The following PLCG2 variants were observed in gnomAD, a reference collection of about 807,000 sequenced individuals.
PLCG2 encodes the protein 1-phosphatidylinositol 4,5-bisphosphate phosphodiesterase gamma-2.
In PLCG2, 69 loss-of-function variants were observed where a neutral mutation model predicts 175.6. The ratio of observed to expected loss-of-function variants is 0.39; its 90% CI spans 0.32 to 0.48. The LOEUF is 0.48. Among genes scored for constraint, PLCG2 ranks in the 20% least tolerant of loss-of-function variants. The pLI, the probability that PLCG2 is intolerant of heterozygous loss-of-function variation, is 0.91. For missense variants in PLCG2, 1,798 were observed against 1,650.9 expected (o/e 1.09, Z -1.54); for synonymous variants, 827 against 624.0 (o/e 1.33, Z -4.85).
chr16:81,918,707 C>G (rs1455426213), intron 19 of PLCG2, among the ~76,000 whole-genome samples: 1 of 152,102 alleles, frequency 6.6e-6, no homozygotes, highest in Admixed American at 6.5e-5. Flanking sequence ...GTTATTTTTG[C>G]TCAAAATTGC....
At chr16:81,908,865 C>A (rs1909495231) in intron 17 of PLCG2, among the ~76,000 whole-genome samples, 1 of 152,162 alleles carries the variant, frequency 6.6e-6, no homozygotes, top group Admixed American at 6.5e-5. Flanking sequence ...ACATTTTAAA[C>A]AAAGACAAGA....
rs71146049 is a variant in PLCG2 at position 81,824,046 on chromosome 16, TTCCTGTCCTGTCCTGTCCTGTCCTG to T, written c.194-30373_194-30349del. Among the ~76,000 whole-genome samples, 675 of 108,704 alleles carry T rather than the reference TTCCTGTCCTGTCCTGTCCTGTCCTG, an allele frequency of 6.2e-3. 9 individuals are homozygous for T. Among genetic ancestry groups the T allele is most frequent in the Non-Finnish European group, 8.2e-3 (480 of 58,366 alleles). The allele number at this position is 108,704 out of a possible 152,430, so 71.3% of individuals were successfully genotyped here. On this transcript the variant is annotated intron_variant, in intron 2 of 32. Coordinates refer to ENST00000564138, the MANE Select transcript of PLCG2 (RefSeq NM_002661.5). Reference sequence around the variant, plus strand: ...TTCCTTTCCTTTCCTTTCCTTTCCTTTCCTGTCCTGTCCTGTCCTGTCCTGTCCTGTCCTGTCCTGTCCTGTCCTT... The same window carrying T: ...TTCCTTTCCTTTCCTTTCCTTTCCTTTCCTGTCCTGTCCTGTCCTGTCCTT...
At chr16:81,760,759 A>AAATAAT (rs1491159948) in intron 2 of PLCG2, among the ~76,000 whole-genome samples, 2 of 135,472 alleles carry the variant, frequency 1.5e-5, no homozygotes, top group African/African-American at 5.5e-5. Context: ...AAAAAAAAAA[A>AAATAAT]TAATAATAAT....
chr16:81,802,052 A>G (rs1911744560), intron 2 of PLCG2, among the ~76,000 whole-genome samples: 1 of 143,794 alleles, frequency 7.0e-6, no homozygotes, highest in Admixed American at 7.0e-5. Context: ...TTCTGTCTGG[A>G]ATGAAAAAAC....
At chr16:81,937,680 C>T in intron 27 of PLCG2, 78 bp from the exon 28 acceptor site, 1 of 1,268,222 alleles carries the variant, frequency 7.9e-7, no homozygotes, top group Non-Finnish European at 1.1e-6. Flanking sequence ...GAAATTCATT[C>T]CCCACCTAGA....
intron 30 of PLCG2, among the ~76,000 whole-genome samples, chr16:81,944,870 T>TGTAGA (rs1911089916): frequency 6.6e-6 from 1 of 152,176 alleles, no homozygotes; most frequent in African/African-American, 2.4e-5. Context: ...AAGGGCCAAC[T>TGTAGA]GTAGAGTAAA....
At chr16:81,912,511 G>T (rs1281665389) in intron 18 of PLCG2, 86 bp from the exon 19 acceptor site, 23 of 1,509,432 alleles carry the variant, frequency 1.5e-5, no homozygotes, top group Non-Finnish European at 1.9e-5. Context: ...AGGTGTCACT[G>T]GTGCCATTAT....
intron 17 of PLCG2, 40 bp downstream of exon 17, chr16:81,908,631 A>C: frequency 1.3e-6 from 2 of 1,539,840 alleles, no homozygotes; most frequent in Non-Finnish European, 1.8e-6. Context: ...CTTCTTCTCC[A>C]TGCCAACCGA....
In PLCG2 at chr16:81,962,611, G is replaced by C. The variant is rs1911817348; in HGVS notation, c.*4613G>C. 4.5e-6 allele frequency: 1 copy of C among 223,290 alleles called. No homozygotes were observed. Among genetic ancestry groups the C allele is most frequent in the Admixed American group, 5.7e-5 (1 of 17,466 alleles). The allele number at this position is 223,290 out of a possible 1,614,324, so 13.8% of individuals were successfully genotyped here. On this transcript the variant is annotated 3_prime_UTR_variant, in exon 33 of 33. Transcript: ENST00000564138. Reference sequence around the variant, plus strand: ...GAGAATTAAGTGAATGAGTCACACAGATGTTGGCTGTTGTTAATGTGAAAA... The same window carrying C: ...GAGAATTAAGTGAATGAGTCACACACATGTTGGCTGTTGTTAATGTGAAAA...
chr16:81,743,945 A>C (rs1909651283), intron 1 of PLCG2, among the ~76,000 whole-genome samples: 1 of 149,488 alleles, frequency 6.7e-6, no homozygotes, highest in Admixed American at 6.7e-5. Context: ...TGCAACCTCC[A>C]CCTCCTGGGT....
At chr16:81,875,821 A>G (rs1907754282) in intron 7 of PLCG2, among the ~76,000 whole-genome samples, 1 of 152,244 alleles carries the variant, frequency 6.6e-6, no homozygotes, top group East Asian at 1.9e-4. Context: ...ATGATCCAGT[A>G]AGGCATTGAA....
At chr16:81,778,564 C>A (rs1276325867), upstream of PLCG2, among the ~76,000 whole-genome samples, 1 of 152,234 alleles carries the variant, frequency 6.6e-6, no homozygotes, top group Admixed American at 6.5e-5. Context: ...ATATTAGCTT[C>A]TTCCCATGAG....
intron 31 of PLCG2, among the ~76,000 whole-genome samples, chr16:81,949,779 A>ATAAAAAATGACAATCAAAAGC (rs1328963078): frequency 3.3e-5 from 5 of 152,238 alleles, no homozygotes; most frequent in African/African-American, 1.2e-4. Flanking sequence ...ATATACCATG[A>ATAAAAAATGACAATCAAAAGC]TAAAAAATGA....
At chr16:81,766,052 C>T (rs973007579) in intron 2 of PLCG2, among the ~76,000 whole-genome samples, 1 of 152,196 alleles carries the variant, frequency 6.6e-6, no homozygotes, top group Admixed American at 6.5e-5. Flanking sequence ...GAGGCTTAGC[C>T]TTCCCAGGTG....
chr16:81,750,663 ATTTTTTTT>A (rs543220131), intron 1 of PLCG2, among the ~76,000 whole-genome samples: 18 of 68,466 alleles, frequency 2.6e-4, no homozygotes, highest in Admixed American at 5.3e-4. Flanking sequence ...GGGACTGGAG[ATTTTTTTT>A]TTTTTTTTTT....
At chr16:81,836,450 C>T (rs998559213) in intron 2 of PLCG2, among the ~76,000 whole-genome samples, 1 of 152,144 alleles carries the variant, frequency 6.6e-6, no homozygotes, top group Non-Finnish European at 1.5e-5. Flanking sequence ...GTTAAGAGTG[C>T]AAGCTTTGGG....
intron 5 of PLCG2, among the ~76,000 whole-genome samples, chr16:81,863,795 C>T (rs1156789831): frequency 6.6e-6 from 1 of 152,258 alleles, no homozygotes; most frequent in Non-Finnish European, 1.5e-5. Flanking sequence ...AGAATGTGCA[C>T]TTCCCTTTGT....
At chr16:81,819,081 G>A (rs1904681411) in intron 2 of PLCG2, among the ~76,000 whole-genome samples, 1 of 151,990 alleles carries the variant, frequency 6.6e-6, no homozygotes, top group South Asian at 2.1e-4. Flanking sequence ...ACTTGCTCAA[G>A]TCTACACAGC....
At chr16:81,864,244 G>A (rs1907118783) in intron 5 of PLCG2, among the ~76,000 whole-genome samples, 1 of 152,210 alleles carries the variant, frequency 6.6e-6, no homozygotes, top group South Asian at 2.1e-4. Flanking sequence ...TGATGTAGAT[G>A]CTGCTGGTCT....
Sources: gnomAD v4.1 joint callset for allele counts (sites outside exome capture counted in the v4.1 genomes callset) on GRCh38, gnomAD v4.1.1 for gene constraint, MANE v1.5 for transcripts, NCBI Gene and HGNC (gene_info 2026-07-23, HGNC 2026-07-21) for gene names.